The following TGFBR2 variants were observed in gnomAD, a reference collection of about 807,000 sequenced individuals.
TGFBR2 encodes the protein transforming growth factor beta receptor 2.
In TGFBR2, 18 loss-of-function variants were observed where a neutral mutation model predicts 49.0. The observed-to-expected ratio is 0.37, with a 90% CI of 0.25 to 0.54. The LOEUF is 0.54. TGFBR2 is among the 20% of genes least tolerant of loss of function. The pLI, the probability that TGFBR2 is intolerant of heterozygous loss-of-function variation, is 0.85. For missense variants in TGFBR2, 525 were observed against 722.6 expected (o/e 0.73, Z 3.13); for synonymous variants, 282 against 275.9 (o/e 1.02, Z -0.22).
chr3:30,664,694 G>C (rs982427406), intron 3 of TGFBR2, among the ~76,000 whole-genome samples: 1 of 152,206 alleles, frequency 6.6e-6, no homozygotes, highest in South Asian at 2.1e-4. Flanking sequence ...GCACACACAC[G>C]TTGCTCTCAG....
intron 3 of TGFBR2, among the ~76,000 whole-genome samples, chr3:30,666,655 A>C (rs2125428154): frequency 1.0e-5 from 1 of 97,960 alleles, no homozygotes; most frequent in African/African-American, 3.6e-5. Context: ...CGCCCGCACA[A>C]ACACAGGGTC....
At chr3:30,637,479 A>G (rs1698559879) in intron 1 of TGFBR2, among the ~76,000 whole-genome samples, 1 of 152,164 alleles carries the variant, frequency 6.6e-6, no homozygotes, top group African/African-American at 2.4e-5. Context: ...CCATTGGCCA[A>G]ACTTACTGGA....
chr3:30,625,674 C>T (rs112815123), intron 1 of TGFBR2, among the ~76,000 whole-genome samples: 39 of 152,280 alleles, frequency 2.6e-4, no homozygotes, highest in African/African-American at 9.4e-4. Context: ...TGCCCTGCAG[C>T]CAATTATGTT....
intron 1 of TGFBR2, among the ~76,000 whole-genome samples, chr3:30,633,903 G>A (rs1698481922): frequency 6.6e-6 from 1 of 152,192 alleles, no homozygotes; most frequent in Non-Finnish European, 1.5e-5. Context: ...TTATTTGGTT[G>A]TTAGAAACCA....
Position 30,671,827 on chromosome 3 carries a change from A to G in TGFBR2, c.644A>G (p.His215Arg), listed in dbSNP as rs1252128858. The G allele has an allele frequency of 5.0e-6, 8 of 1,614,114 alleles. No homozygotes were observed. The highest frequency in any genetic ancestry group is 5.9e-6 in the Non-Finnish European group (7 of 1,180,056). The change falls in exon 4 of 7, where the codon CAC (histidine) becomes CGC (arginine). Residue 215 changes from histidine to arginine, a missense_variant. His to Arg is a conservative substitution (Grantham distance 29). Coordinates refer to ENST00000295754, the MANE Select transcript of TGFBR2 (RefSeq NM_003242.6). Reference protein sequence around the residue: ...KTRKLMEFSEHCAIILEDDRS... With the variant: ...KTRKLMEFSERCAIILEDDRS... ...CGGAAGCTCATGGAGTTCAGCGAGC[A>G]CTGTGCCATCATCCTGGAAGATGAC...
intron 5 of TGFBR2, among the ~76,000 whole-genome samples, chr3:30,677,907 CCT>C (rs961645327): frequency 2.0e-5 from 3 of 152,166 alleles, no homozygotes; most frequent in African/African-American, 7.2e-5. Flanking sequence ...AATGAATCCC[CCT>C]GTTTGATGTT....
chr3:30,644,697 G>T, intron 1 of TGFBR2, 50 bp from the exon 2 acceptor site: 1 of 1,570,092 alleles, frequency 6.4e-7, no homozygotes, highest in Non-Finnish European at 8.7e-7. Context: ...TTCATTGGCA[G>T]GCTGCCTGGC....
intron 1 of TGFBR2, among the ~76,000 whole-genome samples, chr3:30,632,703 T>C (rs1698459559): frequency 6.6e-6 from 1 of 152,220 alleles, no homozygotes; most frequent in African/African-American, 2.4e-5. Flanking sequence ...AGCAAGTGAA[T>C]GCTTGTGTGG....
chr3:30,629,453 C>T (rs996604607), intron 1 of TGFBR2, among the ~76,000 whole-genome samples: 1 of 152,210 alleles, frequency 6.6e-6, no homozygotes, highest in Non-Finnish European at 1.5e-5. Context: ...CTAAGTTAGA[C>T]AGGCTAGGCC....
chr3:30,672,501 C>T lies in TGFBR2; in HGVS notation c.1254+64C>T. 6.5e-7 allele frequency: 1 copy of T among 1,544,138 alleles called. No individual in the cohort carries two copies. On this transcript the variant is annotated intron_variant, in intron 4 of 6. Transcript: ENST00000295754. This position sits in a 1 kb window ranked among gnomAD's most constrained non-coding sequence, Gnocchi z 4.5. ...CCTGGCCTCACCCTACCTCTTGATC[C>T]ATATCTCCTGGCTCTTATCTCAAAC...
chr3:30,637,366 A>T (rs1420503095), intron 1 of TGFBR2, among the ~76,000 whole-genome samples: 2 of 152,232 alleles, frequency 1.3e-5, no homozygotes, highest in East Asian at 3.9e-4. Context: ...GTGACCTCCA[A>T]GTGAGGGACT....
chr3:30,615,424 A>G (rs6767523), intron 1 of TGFBR2, among the ~76,000 whole-genome samples: 82,936 of 152,002 alleles, frequency 0.55, 23,926 homozygotes, highest in East Asian at 0.77. Context: ...TCCAAATTTG[A>G]AGTCAATCCA....
At chr3:30,629,395 G>T (rs565374480) in intron 1 of TGFBR2, among the ~76,000 whole-genome samples, 10 of 152,070 alleles carry the variant, frequency 6.6e-5, no homozygotes, top group Non-Finnish European at 1.3e-4. Flanking sequence ...TCCTCCCAGT[G>T]GGGAAAGAAG....
In TGFBR2 at chr3:30,676,595, G is replaced by A. The variant is rs575390363; in HGVS notation, c.1396+2349G>A. On this transcript the variant is annotated intron_variant, in intron 5 of 6. Coordinates refer to ENST00000295754, the MANE Select transcript of TGFBR2 (RefSeq NM_003242.6). The surrounding 1 kb of genome is among the most constrained non-coding windows in gnomAD (Gnocchi z 4.3). ...CATTATTTATTTTGTTGCTCAGGTT[G>A]CCACAGCTTGGGTCACTGGTCCAAA... Among the ~76,000 whole-genome samples the A allele has an allele frequency of 6.6e-6, 1 of 152,298 alleles. No individual in the cohort carries two copies. The highest frequency in any genetic ancestry group is 2.4e-5 in the African/African-American group (1 of 41,568).
chr3:30,663,021 G>T (rs1046524247), intron 3 of TGFBR2, among the ~76,000 whole-genome samples: 1 of 152,212 alleles, frequency 6.6e-6, no homozygotes, highest in African/African-American at 2.4e-5. Flanking sequence ...CCCAGGGGAT[G>T]CTGATGACTG....
intron 1 of TGFBR2, among the ~76,000 whole-genome samples, chr3:30,634,959 A>G (rs1047484452): frequency 1.3e-5 from 2 of 152,050 alleles, no homozygotes; most frequent in Non-Finnish European, 2.9e-5. Flanking sequence ...TCAGCCCCAA[A>G]CCCTACATTC....
rs1335847197 is a variant in TGFBR2, at chr3:30,692,585, A to G, written c.*986A>G. 1 of 233,026 alleles carries G rather than the reference A, an allele frequency of 4.3e-6. No individual in the cohort carries two copies. The highest frequency in any genetic ancestry group is 5.6e-5 in the Admixed American group (1 of 17,758). The allele number at this position is 233,026 out of a possible 1,614,324, so 14.4% of individuals were successfully genotyped here. A position where few individuals can be genotyped will look rare whatever the true frequency, so the allele number is the denominator to read the frequency against. ...GGAGCAAATTCTCACTCTAGGCTTT[A>G]TCGTGTTTACTTTTTCATTACACTT... On this transcript the variant is annotated 3_prime_UTR_variant, in exon 7 of 7. Coordinates refer to ENST00000295754, the MANE Select transcript of TGFBR2 (RefSeq NM_003242.6).
chr3:30,651,736 A>G (rs899734031), intron 3 of TGFBR2, among the ~76,000 whole-genome samples: 1 of 152,228 alleles, frequency 6.6e-6, no homozygotes, highest in African/African-American at 2.4e-5. Context: ...TAGATTAGAA[A>G]TATGTGTATT....
intron 6 of TGFBR2, 125 bp from the exon 7 acceptor site, chr3:30,691,295 T>C: frequency 9.7e-6 from 10 of 1,033,100 alleles, no homozygotes; most frequent in Non-Finnish European, 1.5e-5. Flanking sequence ...AGTCAGCACA[T>C]GTTAAATGCA....
Sources: allele counts gnomAD v4.1 joint callset (sites outside exome capture counted in the v4.1 genomes callset), GRCh38; gene constraint gnomAD v4.1.1; non-coding constraint Gnocchi (gnomAD v3.1); transcripts MANE v1.5; gene names NCBI Gene and HGNC (gene_info 2026-07-23, HGNC 2026-07-21).